Variants in CCSER1 observed in about 807,000 individuals in gnomAD.
CCSER1 encodes coiled-coil serine rich protein 1, also known as serine-rich coiled-coil domain-containing protein 1.
In CCSER1, 41 loss-of-function variants were observed where a neutral mutation model predicts 82.0. The ratio of observed to expected loss-of-function variants is 0.50; its 90% confidence interval spans 0.39 to 0.65. The LOEUF is 0.65. Among genes scored for constraint, CCSER1 ranks in the 30% least tolerant of loss-of-function variants. The pLI is 0.00. For synonymous variants in CCSER1, 414 were observed against 383.9 expected, an observed-to-expected ratio of 1.08 and a Z score of -0.92; for missense variants, 1,119 against 1,064.2, an observed-to-expected ratio of 1.05 and a Z score of -0.72.
At chr4:90,458,364 T>G (rs1229888344) in intron 4 of CCSER1, among the ~76,000 whole-genome samples, 1 of 152,066 alleles carries the variant, frequency 6.6e-6, no homozygotes, top group Non-Finnish European at 1.5e-5. Context: ...AATAAGTTTT[T>G]TTTTTTTGAG....
intron 9 of CCSER1, among the ~76,000 whole-genome samples, chr4:91,053,433 C>T (rs577364093): frequency 6.6e-6 from 1 of 152,288 alleles, no homozygotes; most frequent in South Asian, 2.1e-4. Flanking sequence ...ATTCCTTAAA[C>T]CTAAGTATTC....
intron 7 of CCSER1, among the ~76,000 whole-genome samples, chr4:90,811,983 T>TAAACACACACACAC (rs1435975989): frequency 3.2e-5 from 4 of 124,574 alleles, no homozygotes; most frequent in East Asian, 2.2e-4. Flanking sequence ...TATATATATA[T>TAAACACACACACAC]ATATATAAAC....
chr4:91,365,516 AGT>A (rs758551613), intron 10 of CCSER1, among the ~76,000 whole-genome samples: 4 of 152,228 alleles, frequency 2.6e-5, no homozygotes, highest in Non-Finnish European at 5.9e-5. Context: ...TGAAGTAATT[AGT>A]GTGTTTTGTT....
intron 6 of CCSER1, chr4:90,682,904 G>T (rs1734155892): frequency 6.6e-6 from 1 of 151,928 alleles, no homozygotes; most frequent in South Asian, 2.1e-4. Flanking sequence ...GACAGAAAAA[G>T]ATAATCTTTC....
chr4:91,351,706 GAAT>G (rs1229709948), intron 10 of CCSER1, among the ~76,000 whole-genome samples: 6 of 151,922 alleles, frequency 3.9e-5, no homozygotes, highest in African/African-American at 7.3e-5. Flanking sequence ...GAATGAGAGA[GAAT>G]AATAATAGGC....
At chr4:91,143,505 C>T (rs1729243726) in intron 10 of CCSER1, among the ~76,000 whole-genome samples, 1 of 151,974 alleles carries the variant, frequency 6.6e-6, no homozygotes, top group African/African-American at 2.4e-5. Flanking sequence ...ATTAGGACTT[C>T]CAGTACTATG....
At chr4:90,652,212 A>G (rs542405280) in intron 6 of CCSER1, among the ~76,000 whole-genome samples, 1 of 152,318 alleles carries the variant, frequency 6.6e-6, no homozygotes, top group South Asian at 2.1e-4. Context: ...CTTCCTAAAT[A>G]TTTAAATGTA....
At chr4:91,153,456 AT>A (rs1441164025) in intron 10 of CCSER1, among the ~76,000 whole-genome samples, 1 of 151,900 alleles carries the variant, frequency 6.6e-6, no homozygotes, top group Non-Finnish European at 1.5e-5. Flanking sequence ...GGGTTCAGAC[AT>A]CTTCCTTTAG....
chr4:91,154,565 A>G (rs1469359974), intron 10 of CCSER1, among the ~76,000 whole-genome samples: 2 of 151,954 alleles, frequency 1.3e-5, no homozygotes, highest in African/African-American at 4.8e-5. Context: ...AGTGAGATGA[A>G]CCTGGTACCT....
chr4:91,306,106 A>G (rs80011992), intron 10 of CCSER1, among the ~76,000 whole-genome samples: 7,042 of 150,586 alleles, frequency 0.047, 507 homozygotes, highest in African/African-American at 0.16. Context: ...TATACGAAAA[A>G]AATCCATAAC....
At chr4:91,177,320 G>A (rs1351447763) in intron 10 of CCSER1, among the ~76,000 whole-genome samples, 1 of 152,208 alleles carries the variant, frequency 6.6e-6, no homozygotes, top group Non-Finnish European at 1.5e-5. Flanking sequence ...GTATCAGGAT[G>A]ATGCTGGCCT....
chr4:91,102,966 G>T (rs1448169652), intron 10 of CCSER1, among the ~76,000 whole-genome samples: 1 of 152,092 alleles, frequency 6.6e-6, no homozygotes, highest in Non-Finnish European at 1.5e-5. Context: ...ATCATAGTAA[G>T]ATTTTTTTTC....
At chr4:91,009,640 T>C (rs536572993) in intron 9 of CCSER1, among the ~76,000 whole-genome samples, 5 of 152,314 alleles carry the variant, frequency 3.3e-5, no homozygotes, top group African/African-American at 4.8e-5. Context: ...TAAGCTTTGA[T>C]TCTTTCATAT....
At chr4:91,118,540 G>A (rs948341305) in intron 10 of CCSER1, among the ~76,000 whole-genome samples, 5 of 152,110 alleles carry the variant, frequency 3.3e-5, no homozygotes, top group Non-Finnish European at 5.9e-5. Context: ...CTCCTAACGT[G>A]CTGGGATTAC....
chr4:91,477,893 G>T (rs1757680047), intron 10 of CCSER1, among the ~76,000 whole-genome samples: 1 of 151,684 alleles, frequency 6.6e-6, no homozygotes, highest in Non-Finnish European at 1.5e-5. Flanking sequence ...AGGGCATATG[G>T]TTCCTACTGT....
intron 10 of CCSER1, among the ~76,000 whole-genome samples, chr4:91,552,856 G>T (rs1221921719): frequency 1.3e-5 from 2 of 151,288 alleles, no homozygotes; most frequent in Non-Finnish European, 3.0e-5. Flanking sequence ...TTATTTGGAG[G>T]TCTTTAATTT....
At chr4:90,576,520 A>C in intron 5 of CCSER1, among the ~76,000 whole-genome samples, 1 of 152,036 alleles carries the variant, frequency 6.6e-6, no homozygotes, top group East Asian at 1.9e-4. Context: ...TGTTCTACTT[A>C]TTTATCCCTC....
At chr4:90,847,735 A>G (rs1763387859) in intron 8 of CCSER1, among the ~76,000 whole-genome samples, 1 of 152,216 alleles carries the variant, frequency 6.6e-6, no homozygotes, top group Admixed American at 6.5e-5. Context: ...TAATGTTATA[A>G]TTCAAATCAA....
chr4:90,457,266 C>T (rs971324715), intron 4 of CCSER1, among the ~76,000 whole-genome samples: 5 of 152,190 alleles, frequency 3.3e-5, no homozygotes, highest in Non-Finnish European at 7.3e-5. Flanking sequence ...TGTAAGAGCC[C>T]TGGCTCAGGG....
Sources: gnomAD v4.1 joint callset for allele counts (sites outside exome capture counted in the v4.1 genomes callset) on GRCh38, gnomAD v4.1.1 for gene constraint, MANE v1.5 for transcripts, NCBI Gene and HGNC (gene_info 2026-07-23, HGNC 2026-07-21) for gene names.